The following ARSG variants were observed in gnomAD, a reference collection of about 807,000 sequenced individuals.
ARSG encodes ASG.
Under a neutral mutation model 50.5 loss-of-function variants are expected in ARSG, and 37 were observed. The observed-to-expected ratio is 0.73, with a 90% CI of 0.56 to 0.96. ARSG has a LOEUF of 0.96. ARSG is among the 50% of genes least tolerant of loss of function. The pLI is 0.00. For missense variants in ARSG, 629 were observed against 675.3 expected (o/e 0.93, Z 0.76); for synonymous variants, 225 against 254.6 (o/e 0.88, Z 1.11).
At chr17:68,426,058 G>A (rs377558661), downstream of ARSG, 67 of 1,609,540 alleles carry the variant, frequency 4.2e-5, no homozygotes, top group Middle Eastern at 3.8e-4. Flanking sequence ...GCCCAGTTAC[G>A]GGTTCCTAAT....
chr17:68,328,795 C>T (rs1210936553), intron 2 of ARSG, among the ~76,000 whole-genome samples: 2 of 152,158 alleles, frequency 1.3e-5, no homozygotes, highest in Non-Finnish European at 2.9e-5. Flanking sequence ...CTGCAGAGAA[C>T]CCAGCTGAGG....
chr17:68,434,202 C>T, the ARSG span, among the ~76,000 whole-genome samples: 6 of 152,290 alleles, frequency 3.9e-5, no homozygotes, highest in Middle Eastern at 3.4e-3. Context: ...AACCTACATC[C>T]GATAAGATCC....
intron 8 of ARSG, among the ~76,000 whole-genome samples, chr17:68,376,177 A>G (rs918942373): frequency 2.0e-5 from 3 of 151,588 alleles, no homozygotes; most frequent in Admixed American, 6.6e-5. Flanking sequence ...TGGCGCGATC[A>G]TAGCTCATTG....
In ARSG at chr17:68,365,416, GA is replaced by G. The variant is rs10707076; in HGVS notation, c.705-3131del. On this transcript the variant is annotated intron_variant, in intron 6 of 11. Transcript: ENST00000621439. ...GTCTGATTGTCCCCATTTTATAGAT[GA>G]CAGAGGTTAAGTTAATTGTCCAGGG... Among the ~76,000 whole-genome samples, 871 of 152,322 alleles carry G rather than the reference GA, an allele frequency of 5.7e-3. 15 individuals carry two copies. Among genetic ancestry groups the G allele is most frequent in the African/African-American group, 0.02 (835 of 41,572 alleles).
intron 4 of ARSG, among the ~76,000 whole-genome samples, chr17:68,350,620 C>T (rs1289987170): frequency 6.6e-6 from 1 of 151,782 alleles, no homozygotes; most frequent in Admixed American, 6.6e-5. Flanking sequence ...CCCATCTCTA[C>T]TAAAAATACA....
rs1283268790 is a variant in ARSG, at chr17:68,420,538, T to G, written c.*75T>G. 2.7e-6 allele frequency: 4 copies of G among 1,509,360 alleles called. No individual in the cohort carries two copies. The African/African-American group carries it at 5.5e-5, about 21-fold the overall frequency. The allele number at this position is 1,509,360 out of a possible 1,614,324, so 93.5% of individuals were successfully genotyped here. ...TTGCTTCCAAATTTCATTTTTACCCTCTTTACAAACACACGCTTTAGTTTA... is the reference window on the plus strand; with the variant it reads ...TTGCTTCCAAATTTCATTTTTACCCGCTTTACAAACACACGCTTTAGTTTA... On this transcript the variant is annotated 3_prime_UTR_variant, in exon 12 of 12. Transcript: ENST00000621439.
At chr17:68,451,211 A>T in the ARSG span, among the ~76,000 whole-genome samples, 1 of 152,218 alleles carries the variant, frequency 6.6e-6, no homozygotes, top group Admixed American at 6.5e-5. Context: ...CAGGAGAATC[A>T]CTTGAGGCCA....
chr17:68,428,416 AT>A, the ARSG span: 2 of 175,194 alleles, frequency 1.1e-5, no homozygotes, highest in African/African-American at 2.4e-5. Flanking sequence ...TGTTTTTGGT[AT>A]AGATGGGGTT....
chr17:68,274,890 C>T (rs981840545), intron 1 of ARSG, among the ~76,000 whole-genome samples: 12 of 151,950 alleles, frequency 7.9e-5, no homozygotes, highest in African/African-American at 1.9e-4. Context: ...AACTGATTCT[C>T]CTGCCTCAGC....
intron 2 of ARSG, among the ~76,000 whole-genome samples, chr17:68,331,177 G>GTTTCTTTCTTTCTTTCTTTC (rs71142163): frequency 9.3e-4 from 111 of 119,012 alleles, no homozygotes; most frequent in African/African-American, 2.7e-3. Flanking sequence ...CAAAGACAGG[G>GTTTCTTTCTTTCTTTCTTTC]TTTCTTTCTT....
chr17:68,426,254 G>GGGGGGGGGGGGGGT, downstream of ARSG: 1 of 816,922 alleles, frequency 1.2e-6, no homozygotes, highest in Non-Finnish European at 1.9e-6. Context: ...GGGAGCGGGG[G>GGGGGGGGGGGGGGT]CTCAAATAAA....
intron 2 of ARSG, among the ~76,000 whole-genome samples, chr17:68,312,725 A>G (rs1347773948): frequency 6.6e-6 from 1 of 152,068 alleles, no homozygotes; most frequent in Non-Finnish European, 1.5e-5. Flanking sequence ...TGTTGACAGG[A>G]AAGCCGGGCT....
upstream of ARSG, among the ~76,000 whole-genome samples, chr17:68,287,650 A>G (rs1555754695): frequency 1.3e-5 from 2 of 152,130 alleles, no homozygotes. Context: ...GATCTCCATC[A>G]AGGAAAGATG....
chr17:68,429,431 C>T, the ARSG span, among the ~76,000 whole-genome samples: 1 of 152,164 alleles, frequency 6.6e-6, no homozygotes, highest in African/African-American at 2.4e-5. Context: ...AGGCTTTTTA[C>T]ATAATTACAT....
At chr17:68,376,719 A>T (rs963245393) in intron 8 of ARSG, among the ~76,000 whole-genome samples, 1 of 152,086 alleles carries the variant, frequency 6.6e-6, no homozygotes, top group Non-Finnish European at 1.5e-5. Context: ...CTCTTATATC[A>T]GGGGAGCTGA....
chr17:68,322,597 T>G (rs1349113016), intron 2 of ARSG, among the ~76,000 whole-genome samples: 1 of 151,448 alleles, frequency 6.6e-6, no homozygotes, highest in Non-Finnish European at 1.5e-5. Flanking sequence ...AGCCTGGCGA[T>G]AGAGTGAGAC....
chr17:68,341,296 T>G (rs1009829804), intron 2 of ARSG, among the ~76,000 whole-genome samples: 8 of 152,238 alleles, frequency 5.3e-5, no homozygotes, highest in African/African-American at 1.9e-4. Context: ...TTTCCCCTTG[T>G]GGTTTAATTC....
At chr17:68,350,665 G>A (rs779644085) in intron 4 of ARSG, among the ~76,000 whole-genome samples, 58 of 152,148 alleles carry the variant, frequency 3.8e-4, no homozygotes, top group Non-Finnish European at 7.8e-4. Flanking sequence ...CGTGCCTGTA[G>A]TCCCAGCTAC....
chr17:68,290,733 G>A (rs996940340), upstream of ARSG, among the ~76,000 whole-genome samples: 16 of 152,222 alleles, frequency 1.1e-4, no homozygotes, highest in Admixed American at 8.5e-4. Flanking sequence ...TCCGCGGAGG[G>A]GCTGAGCCTG....
Sources: gnomAD v4.1 joint callset for allele counts (sites outside exome capture counted in the v4.1 genomes callset) on GRCh38, gnomAD v4.1.1 for gene constraint, MANE v1.5 for transcripts, NCBI Gene and HGNC (gene_info 2026-07-23, HGNC 2026-07-21) for gene names.